Variants in OSBPL10 observed in about 807,000 individuals in gnomAD.
OSBPL10 encodes oxysterol-binding protein-related protein 10.
In OSBPL10, 49 loss-of-function variants were observed where a neutral mutation model predicts 81.7. The ratio of observed to expected loss-of-function variants is 0.60; its 90% CI spans 0.48 to 0.76. The LOEUF is 0.76. Among genes scored for constraint, OSBPL10 ranks in the 30% least tolerant of loss-of-function variants. The probability of loss-of-function intolerance (pLI) is 0.00; values close to 1 mark genes in which losing one functional copy is unlikely to be tolerated. For synonymous variants in OSBPL10, 419 were observed against 383.6 expected, an observed-to-expected ratio of 1.09 and a Z score of -1.08; for missense variants, 923 against 987.8, an observed-to-expected ratio of 0.93 and a Z score of 0.88.
chr3:31,951,819 A>G (rs913249237), intron 1 of OSBPL10, among the ~76,000 whole-genome samples: 2 of 152,098 alleles, frequency 1.3e-5, no homozygotes, highest in African/African-American at 2.4e-5. Context: ...TTACACATCC[A>G]GTTAAGTGAA....
At chr3:31,859,647 G>A (rs1701012468) in intron 3 of OSBPL10, among the ~76,000 whole-genome samples, 1 of 152,188 alleles carries the variant, frequency 6.6e-6, no homozygotes, top group South Asian at 2.1e-4. Flanking sequence ...GTCCTCACCA[G>A]ATGCTGGTCC....
rs1698824287 is a variant in OSBPL10 at position 31,981,003 on chromosome 3, G to C, written c.177C>G (p.Gly59=). ...LGGGGSRSSP[G]SVAASPSGGG... The stretch of plus-strand genomic sequence containing the variant: ...CCCCGGACGGGCTAGCGGCCACAGA[G>C]CCCGGGCTGCTGCGGCTTCCCCCGC... Residue 59 remains glycine, a synonymous_variant, in exon 1 of 12, where the codon GGC becomes GGG. Transcript: ENST00000396556. This position sits in a 1 kb window ranked among gnomAD's most constrained non-coding sequence, Gnocchi z 4.5. 1 of 1,499,494 alleles carries C rather than the reference G, an allele frequency of 6.7e-7. No homozygotes were observed. The highest frequency in any genetic ancestry group is 8.9e-7 in the Non-Finnish European group (1 of 1,128,690). The allele number at this position is 1,499,494 out of a possible 1,614,324, so 92.9% of individuals were successfully genotyped here. A position where few individuals can be genotyped will look rare whatever the true frequency, so the allele number is the denominator to read the frequency against.
At chr3:31,773,930 G>T (rs577720294) in intron 4 of OSBPL10, among the ~76,000 whole-genome samples, 1 of 152,170 alleles carries the variant, frequency 6.6e-6, no homozygotes, top group South Asian at 2.1e-4. Flanking sequence ...TTGGGAGGCC[G>T]AGGTGGGTGG....
chr3:31,760,278 T>C (rs1194351280), intron 4 of OSBPL10, among the ~76,000 whole-genome samples: 1 of 152,102 alleles, frequency 6.6e-6, no homozygotes, highest in East Asian at 1.9e-4. Context: ...TTAATTTGTA[T>C]TGAGAAAATC....
chr3:31,874,580 A>G (rs1036197163), intron 3 of OSBPL10, among the ~76,000 whole-genome samples: 2 of 152,202 alleles, frequency 1.3e-5, no homozygotes, highest in African/African-American at 4.8e-5. Flanking sequence ...AGTTTGCATT[A>G]TTTTTAAGAA....
At chr3:31,970,174 G>A (rs1422316979) in intron 1 of OSBPL10, among the ~76,000 whole-genome samples, 2 of 152,138 alleles carry the variant, frequency 1.3e-5, no homozygotes, top group Non-Finnish European at 2.9e-5. Flanking sequence ...GATTCTACCT[G>A]CATCAATTAG....
rs1481428883 is a variant in OSBPL10 at position 31,702,322 on chromosome 3, A to G, written c.1245+37T>C. 3.7e-6 allele frequency: 6 copies of G among 1,608,492 alleles called. No individual in the cohort carries two copies. In the Admixed American group the frequency reaches 6.7e-5, roughly 18 times the overall value. On this transcript the variant is annotated intron_variant, in intron 7 of 11. Transcript: ENST00000396556. ...GCTTGAGGATAGAGACAGAACCCCA[A>G]CAACTGACCACAAATCCAGGGGACA...
At chr3:31,912,593 AT>A (rs1373987752) in intron 1 of OSBPL10, among the ~76,000 whole-genome samples, 4 of 152,146 alleles carry the variant, frequency 2.6e-5, no homozygotes, top group Non-Finnish European at 5.9e-5. Flanking sequence ...AATCAACTTC[AT>A]CATCAACATT....
chr3:31,679,611 C>G (rs1007425523), intron 8 of OSBPL10, among the ~76,000 whole-genome samples: 7 of 152,190 alleles, frequency 4.6e-5, no homozygotes, highest in African/African-American at 1.7e-4. Context: ...TGTGAACTGC[C>G]TTCTCTACCT....
Position 31,994,193 on chromosome 3 carries a change from T to A in OSBPL10, n.298+52298A>T, listed in dbSNP as rs72854171. 9.3e-3 allele frequency among the ~76,000 whole-genome samples: 1,406 copies of A among 151,734 alleles called. 25 individuals carry two copies. Among genetic ancestry groups the A allele is most frequent in the African/African-American group, 0.032 (1,325 of 41,354 alleles). ...AAAAGGCAAAACTATAGGAACAGAG[T>A]TGAGAGTAGTGATTGCCAAGAGTTA... On this transcript the variant is annotated intron_variant and non_coding_transcript_variant, in intron 2 of 3. Coordinates refer to the OSBPL10 transcript ENST00000479173.
At chr3:31,892,081 A>G (rs1695908160) in intron 1 of OSBPL10, among the ~76,000 whole-genome samples, 1 of 152,098 alleles carries the variant, frequency 6.6e-6, no homozygotes, top group Non-Finnish European at 1.5e-5. Flanking sequence ...TGAGTCAATT[A>G]GTAGAATTTG....
At chr3:31,983,990 A>G (rs1384880715), upstream of OSBPL10, among the ~76,000 whole-genome samples, 2 of 152,102 alleles carry the variant, frequency 1.3e-5, no homozygotes, top group Admixed American at 6.6e-5. Context: ...TTATTACTCA[A>G]ATCAATCTCC....
At chr3:31,949,993 A>C (rs1697823632) in intron 1 of OSBPL10, among the ~76,000 whole-genome samples, 2 of 152,136 alleles carry the variant, frequency 1.3e-5, no homozygotes, top group Admixed American at 1.3e-4. Context: ...AAATTTTTTA[A>C]AGTAGGTCTC....
At chr3:32,072,378 G>A (rs535733686) in intron 1 of OSBPL10, among the ~76,000 whole-genome samples, 6 of 152,162 alleles carry the variant, frequency 3.9e-5, no homozygotes, top group Admixed American at 1.3e-4. Context: ...TGTCCCTCAC[G>A]GCCAGTTTTT....
chr3:31,827,549 T>C (rs1021778827), intron 4 of OSBPL10, among the ~76,000 whole-genome samples: 1 of 151,528 alleles, frequency 6.6e-6, no homozygotes, highest in Admixed American at 6.6e-5. Flanking sequence ...GGCAGAAGAA[T>C]GGCATGAATC....
intron 1 of OSBPL10, among the ~76,000 whole-genome samples, chr3:31,889,631 G>T (rs1456808142): frequency 6.6e-6 from 1 of 151,792 alleles, no homozygotes; most frequent in Non-Finnish European, 1.5e-5. Flanking sequence ...ATAAAAAGTA[G>T]AATAGAGGAT....
At chr3:31,784,774 G>A (rs775073446) in intron 4 of OSBPL10, among the ~76,000 whole-genome samples, 1 of 151,106 alleles carries the variant, frequency 6.6e-6, no homozygotes, top group Non-Finnish European at 1.5e-5. Flanking sequence ...GCAGAGATGG[G>A]GTTCCACCAC....
intron 9 of OSBPL10, among the ~76,000 whole-genome samples, chr3:31,669,724 G>C (rs1700279335): frequency 6.6e-6 from 1 of 152,198 alleles, no homozygotes; most frequent in Non-Finnish European, 1.5e-5. Context: ...CTGCACAGTT[G>C]AAGGAACACC....
chr3:31,856,373 C>T (rs2125586925), intron 3 of OSBPL10, among the ~76,000 whole-genome samples: 1 of 152,008 alleles, frequency 6.6e-6, no homozygotes, highest in Middle Eastern at 3.4e-3. Flanking sequence ...TTTTAAGTAC[C>T]CAAAAAGTAA....
Sources: allele counts gnomAD v4.1 joint callset (sites outside exome capture counted in the v4.1 genomes callset), GRCh38; gene constraint gnomAD v4.1.1; non-coding constraint Gnocchi (gnomAD v3.1); transcripts MANE v1.5; gene names NCBI Gene and HGNC (gene_info 2026-07-23, HGNC 2026-07-21).